Variants in ZNF462 observed in about 807,000 individuals in gnomAD.
ZNF462 encodes zinc finger protein 462.
A neutral mutation model predicts 201.9 loss-of-function variants in ZNF462; 10 were observed. That is an observed-to-expected ratio of 0.05 (90% CI 0.03 to 0.08). The LOEUF (loss-of-function observed/expected upper bound fraction) is 0.08. ZNF462 is among the 10% of genes least tolerant of loss of function. ZNF462 has a pLI of 1.00. For missense variants in ZNF462, 2,523 were observed against 3,168.3 expected, an observed-to-expected ratio of 0.80 and a Z score of 4.89; for synonymous variants, 1,227 against 1,193.3, an observed-to-expected ratio of 1.03 and a Z score of -0.58.
intron 1 of ZNF462, among the ~76,000 whole-genome samples, chr9:106,892,692 GCACACACACACGCACACACACACACA>G (rs1828635291): frequency 7.1e-6 from 1 of 139,968 alleles, no homozygotes; most frequent in South Asian, 2.2e-4. Context: ...ACACACACAT[GCACACACACACGCACACACACACACA>G]CACACACATG....
chr9:106,995,251 TCTGATTGTGACACA>T (rs1313706414), intron 10 of ZNF462, among the ~76,000 whole-genome samples: 3 of 152,294 alleles, frequency 2.0e-5, no homozygotes, highest in Non-Finnish European at 4.4e-5. Flanking sequence ...AAATATGTTT[TCTGATTGTGACACA>T]GTGATTGCAA....
At chr9:106,918,353 C>G (rs1829863057) in intron 1 of ZNF462, among the ~76,000 whole-genome samples, 1 of 152,072 alleles carries the variant, frequency 6.6e-6, no homozygotes, top group Admixed American at 6.5e-5. Context: ...TTAATTATAT[C>G]TATAATTATG....
chr9:106,884,183 C>G (rs1333187842), intron 1 of ZNF462, among the ~76,000 whole-genome samples: 11 of 152,060 alleles, frequency 7.2e-5, no homozygotes, highest in Non-Finnish European at 1.6e-4. Flanking sequence ...GAGAGGAATT[C>G]ATTAGGTCTA....
At position 106,977,792 on chromosome 9, in the gene ZNF462, A is replaced by G. The variant is rs1177507400; in HGVS notation, c.6832+3519A>G. On this transcript the variant is annotated intron_variant, in intron 9 of 12. Transcript: ENST00000277225. This position sits in a 1 kb window ranked among gnomAD's most constrained non-coding sequence, Gnocchi z 4.6. ...ACATTTCAACAGGCAGAGAAGACTTAAGGCAGGGCATATTAGTTTGCAAGG... is the reference window on the plus strand; with the variant it reads ...ACATTTCAACAGGCAGAGAAGACTTGAGGCAGGGCATATTAGTTTGCAAGG... 6.6e-6 allele frequency among the ~76,000 whole-genome samples: 1 copy of G among 151,520 alleles called. No individual in the cohort carries two copies. The highest frequency in any genetic ancestry group is 1.5e-5 in the Non-Finnish European group (1 of 68,022).
chr9:106,940,635 A>G (rs1193785177), intron 7 of ZNF462, among the ~76,000 whole-genome samples: 1 of 152,168 alleles, frequency 6.6e-6, no homozygotes, highest in East Asian at 1.9e-4. Flanking sequence ...CCCGGCCTTA[A>G]AGGACTTCTG....
upstream of ZNF462, among the ~76,000 whole-genome samples, chr9:106,861,791 A>T (rs915450105): frequency 1.1e-4 from 16 of 152,178 alleles, no homozygotes; most frequent in African/African-American, 3.6e-4. Flanking sequence ...GTTCAGAATG[A>T]TACGGGAGAG....
chr9:106,985,515 G>A (rs1268377899), intron 10 of ZNF462, among the ~76,000 whole-genome samples: 3 of 152,076 alleles, frequency 2.0e-5, no homozygotes, highest in African/African-American at 7.2e-5. Context: ...ATCATTTCTG[G>A]TATTGCCCAG....
intron 8 of ZNF462, among the ~76,000 whole-genome samples, chr9:106,973,242 G>A (rs1826729058): frequency 6.6e-6 from 1 of 151,990 alleles, no homozygotes; most frequent in African/African-American, 2.4e-5. Context: ...ATCAGGATCT[G>A]AGCCTTAGAC....
Position 106,895,656 on chromosome 9 carries a change from T to C in ZNF462, c.-30-27698T>C, listed in dbSNP as rs1301593859. ...CGTTATTTAATCCCTATGAAATGGA[T>C]ATTTTTTAGTCCCATTATACAGGTC... On this transcript the variant is annotated intron_variant, in intron 1 of 12. Coordinates refer to ENST00000277225, the MANE Select transcript of ZNF462 (RefSeq NM_021224.6). The surrounding 1 kb of genome is among the most constrained non-coding windows in gnomAD (Gnocchi z 4.4). Among the ~76,000 whole-genome samples the C allele has an allele frequency of 6.6e-6, 1 of 152,246 alleles. No homozygotes were observed. The highest frequency in any genetic ancestry group is 1.5e-5 in the Non-Finnish European group (1 of 68,050).
rs148893264 is a variant in ZNF462 at position 106,925,673 on chromosome 9, G to A, written c.1761G>A (p.Gln587=). ...QPQTQPPPTQ[Q]PQPPTQAAPL... ...AAACACAGCCACCACCAACGCAGCA[G>A]CCACAGCCACCCACACAAGCCGCAC... Residue 587 remains glutamine (Q), a synonymous_variant, in exon 3 of 13, where the codon CAG becomes CAA. Coordinates refer to ENST00000277225, the MANE Select transcript of ZNF462 (RefSeq NM_021224.6). This position sits in a 1 kb window ranked among gnomAD's most constrained non-coding sequence, Gnocchi z 7.9. The A allele has an allele frequency of 1.2e-6, 2 of 1,614,054 alleles. No homozygotes were observed. The highest frequency in any genetic ancestry group is 1.3e-5 in the African/African-American group (1 of 74,964).
At chr9:106,942,470 A>T (rs1301259815) in intron 7 of ZNF462, among the ~76,000 whole-genome samples, 1 of 151,490 alleles carries the variant, frequency 6.6e-6, no homozygotes, top group Non-Finnish European at 1.5e-5. Context: ...CATGATGATC[A>T]GTTGTTGGAA....
chr9:106,868,149 T>G (rs1827429251), intron 1 of ZNF462, among the ~76,000 whole-genome samples: 1 of 151,982 alleles, frequency 6.6e-6, no homozygotes, highest in Non-Finnish European at 1.5e-5. Context: ...ATGATGGCTT[T>G]GAGAGAAACA....
intron 1 of ZNF462, among the ~76,000 whole-genome samples, chr9:106,882,730 C>CTG (rs1828153051): frequency 1.3e-5 from 2 of 152,188 alleles, no homozygotes; most frequent in South Asian, 4.1e-4. Flanking sequence ...TTCAGTGATT[C>CTG]AAGGCCATTG....
Position 106,968,538 on chromosome 9 carries a change from GGTT to G in ZNF462, c.6428-3465_6428-3463del, listed in dbSNP as rs1184177817. Among the ~76,000 whole-genome samples, 8 of 131,454 alleles carry G rather than the reference GGTT, an allele frequency of 6.1e-5. No homozygotes were observed. The highest frequency in any genetic ancestry group is 2.7e-4 in the African/African-American group (7 of 26,116). The allele number at this position is 131,454 out of a possible 152,430, so 86.2% of individuals were successfully genotyped here. ...TCTTTTCTCAGACTGTATGTGTCAG[GGTT>G]GGTTGGTTGGTTGGTTGGTTGGTTG... is the stretch of plus-strand genomic sequence containing the variant. On this transcript the variant is annotated intron_variant, in intron 7 of 12. Transcript: ENST00000277225. This position sits in a 1 kb window ranked among gnomAD's most constrained non-coding sequence, Gnocchi z 4.0.
In ZNF462 at chr9:106,966,943, C is replaced by T. The variant is rs1832100760; in HGVS notation, c.6428-5062C>T. ...TTCACCTTCACTCATATTCTCTATG[C>T]AGGGCTGCAGAAAATTGAGAATTGA... On this transcript the variant is annotated intron_variant, in intron 7 of 12. Coordinates refer to ENST00000277225, the MANE Select transcript of ZNF462 (RefSeq NM_021224.6). The surrounding 1 kb of genome is among the most constrained non-coding windows in gnomAD (Gnocchi z 4.4). 6.6e-6 allele frequency among the ~76,000 whole-genome samples: 1 copy of T among 152,110 alleles called. No individual in the cohort carries two copies. The highest frequency in any genetic ancestry group is 1.9e-4 in the East Asian group (1 of 5,196).
At position 107,010,068 on chromosome 9, in the gene ZNF462, T is replaced by G. The variant is rs1829837434; in HGVS notation, c.7313+400T>G. Among the ~76,000 whole-genome samples, 1 of 152,136 alleles carries G rather than the reference T, an allele frequency of 6.6e-6. No homozygotes were observed. The highest frequency in any genetic ancestry group is 2.1e-4 in the South Asian group (1 of 4,826). On this transcript the variant is annotated intron_variant, in intron 12 of 12. Transcript: ENST00000277225. The surrounding 1 kb of genome is among the most constrained non-coding windows in gnomAD (Gnocchi z 4.6). ...CCCTGAGTGGCCCTGAACATTCCCA[T>G]GTACTGCCTCGGGGACAGAGCCAGC... is the stretch of plus-strand genomic sequence containing the variant.
intron 5 of ZNF462, among the ~76,000 whole-genome samples, chr9:106,934,786 G>A (rs1443229801): frequency 6.6e-6 from 1 of 152,028 alleles, no homozygotes; most frequent in African/African-American, 2.4e-5. Context: ...TATTTTTTTA[G>A]GCTAATAATT....
intron 11 of ZNF462, among the ~76,000 whole-genome samples, chr9:107,004,783 A>G (rs2132675873): frequency 6.6e-6 from 1 of 152,278 alleles, no homozygotes; most frequent in South Asian, 2.1e-4. Flanking sequence ...GTTGTTATTA[A>G]CTGTAGCCAC....
At chr9:106,955,220 G>T (rs1020366321) in intron 7 of ZNF462, among the ~76,000 whole-genome samples, 1 of 152,148 alleles carries the variant, frequency 6.6e-6, no homozygotes, top group African/African-American at 2.4e-5. Context: ...CCTTGGAGAT[G>T]TTGCGGGTTT....
Sources: gnomAD v4.1 joint callset for allele counts (sites outside exome capture counted in the v4.1 genomes callset) on GRCh38, gnomAD v4.1.1 for gene constraint, Gnocchi (gnomAD v3.1) non-coding constraint, MANE v1.5 for transcripts, NCBI Gene and HGNC (gene_info 2026-07-23, HGNC 2026-07-21) for gene names.